LHCGR: variants seen among roughly 807,000 people sequenced by gnomAD.
The protein encoded by LHCGR is lutropin-choriogonadotropic hormone receptor.
A neutral mutation model predicts 60.7 loss-of-function variants in LHCGR; 55 were observed. That is an observed-to-expected ratio of 0.91 (90% CI 0.73 to 1.13). LHCGR has a LOEUF of 1.13. Ranked by LOEUF, LHCGR falls within the 50% of genes most tolerant of loss-of-function variation. LHCGR has a pLI of 0.00. For missense variants in LHCGR, 862 were observed against 836.0 expected, an observed-to-expected ratio of 1.03 and a Z score of -0.38; for synonymous variants, 337 against 316.5, an observed-to-expected ratio of 1.06 and a Z score of -0.69.
At chr2:48,700,045 A>T (rs1667330633) in intron 8 of LHCGR, among the ~76,000 whole-genome samples, 2 of 152,226 alleles carry the variant, frequency 1.3e-5, no homozygotes, top group African/African-American at 2.4e-5. Flanking sequence ...ACATGGAATG[A>T]TGATGGTGTA....
intron 1 of LHCGR, among the ~76,000 whole-genome samples, chr2:48,739,695 G>C (rs1669350670): frequency 6.6e-6 from 1 of 152,034 alleles, no homozygotes; most frequent in Non-Finnish European, 1.5e-5. Context: ...ATAGCATTAG[G>C]AGATATACCT....
In LHCGR at chr2:48,698,868, G is replaced by C. The variant is rs766395137; in HGVS notation, c.681-68C>G. On this transcript the variant is annotated intron_variant, in intron 8 of 10. Coordinates refer to ENST00000294954, the MANE Select transcript of LHCGR (RefSeq NM_000233.4). ...ATACATTTTTTTTTTTTGAGACGGA[G>C]TCTTGCTCCGTCGCCCAGGCTGGAG... The C allele has an allele frequency of 2.3e-6, 3 of 1,320,884 alleles. No homozygotes were observed. The South Asian group carries it at 3.9e-5, about 17-fold the overall frequency. 81.8% of individuals were successfully genotyped at this position (1,320,884 alleles called of 1,614,324 possible).
In LHCGR at chr2:48,714,029, C is replaced by T; in HGVS notation, c.562G>A (p.Glu188Lys). The T allele has an allele frequency of 6.2e-7, 1 of 1,613,046 alleles. No homozygotes were observed. The highest frequency in any genetic ancestry group is 8.5e-7 in the Non-Finnish European group (1 of 1,179,148). The part of the protein sequence containing the change: ...TLKLYGNGFE[E>K]VQSHAFNGTT... ...CCATTGAATGCATGACTTTGTACTT[C>T]TTCAAATCCATTTCCATATAGTTTG... The change falls in exon 7 of 11, where the codon GAA (glutamate) becomes AAA (lysine). Residue 188 changes from glutamate to lysine, a missense_variant. By Grantham distance (56) the Glu-to-Lys change is moderately conservative (BLOSUM62 1). Transcript: ENST00000294954.
At chr2:48,715,422 G>C (rs570323031) in intron 6 of LHCGR, among the ~76,000 whole-genome samples, 1 of 152,054 alleles carries the variant, frequency 6.6e-6, no homozygotes, top group East Asian at 1.9e-4. Flanking sequence ...TAAAACCCAC[G>C]TGAGAAAGGG....
intron 1 of LHCGR, among the ~76,000 whole-genome samples, chr2:48,752,252 C>A (rs923966011): frequency 6.6e-6 from 1 of 152,148 alleles, no homozygotes; most frequent in Admixed American, 6.5e-5. Flanking sequence ...CAGCTATAAT[C>A]CATGTACCTT....
chr2:48,699,275 A>AT (rs1247497996), intron 8 of LHCGR, among the ~76,000 whole-genome samples: 2 of 151,932 alleles, frequency 1.3e-5, no homozygotes, highest in South Asian at 2.1e-4. Flanking sequence ...GCGAGTCTGT[A>AT]TTTTTTCTCA....
In LHCGR at chr2:48,731,342, AG is replaced by A. The variant is rs758676162; in HGVS notation, c.162-45del. 7 of 1,391,490 alleles carry A rather than the reference AG, an allele frequency of 5.0e-6. 1 individual carries two copies. In the Admixed American group the frequency reaches 1.2e-4, roughly 23 times the overall value. The allele number at this position is 1,391,490 out of a possible 1,614,324, so 86.2% of individuals were successfully genotyped here. ...AATCCAAGAGTTTAAGATTTATGAT[AG>A]GGTGCCTTTTAAGTTCATGAATAAA... On this transcript the variant is annotated intron_variant, in intron 1 of 10. Transcript: ENST00000294954.
rs80051034 is a variant in LHCGR at position 48,699,170 on chromosome 2, A to G, written c.681-370T>C. ...GAGAATGAAACCTCCCCTCAACAAT[A>G]TTATCATTATAGGCTCTGAGGAATC... On this transcript the variant is annotated intron_variant, in intron 8 of 10. Coordinates refer to ENST00000294954, the MANE Select transcript of LHCGR (RefSeq NM_000233.4). Among the ~76,000 whole-genome samples, 408 of 152,124 alleles carry G rather than the reference A, an allele frequency of 2.7e-3. 12 individuals are homozygous for G. The East Asian group carries it at 0.057, about 21-fold the overall frequency.
intron 1 of LHCGR, among the ~76,000 whole-genome samples, chr2:48,753,891 G>A (rs1382788104): frequency 6.6e-6 from 1 of 152,002 alleles, no homozygotes; most frequent in East Asian, 1.9e-4. Flanking sequence ...ATAATTAATA[G>A]ATAAAATCCT....
chr2:48,743,158 C>G (rs1669548488), intron 1 of LHCGR, among the ~76,000 whole-genome samples: 1 of 152,174 alleles, frequency 6.6e-6, no homozygotes, highest in Non-Finnish European at 1.5e-5. Context: ...AGCTGAATCT[C>G]TGAATAGACC....
chr2:48,738,204 C>T (rs1415014056), intron 1 of LHCGR, among the ~76,000 whole-genome samples: 1 of 152,158 alleles, frequency 6.6e-6, no homozygotes, highest in Non-Finnish European at 1.5e-5. Context: ...CCTCTATCCT[C>T]CTCTACACTT....
chr2:48,714,330 T>A (rs1180002435), intron 6 of LHCGR, among the ~76,000 whole-genome samples: 1 of 152,170 alleles, frequency 6.6e-6, no homozygotes, highest in African/African-American at 2.4e-5. Context: ...GTAGCTTGCT[T>A]AATGTCAAAG....
At chr2:48,752,415 C>T (rs1023813172) in intron 1 of LHCGR, among the ~76,000 whole-genome samples, 1 of 152,188 alleles carries the variant, frequency 6.6e-6, no homozygotes, top group Non-Finnish European at 1.5e-5. Flanking sequence ...TTGCCTCCTC[C>T]AACCCTGAGA....
chr2:48,703,674 T>G (rs936965047), intron 8 of LHCGR, among the ~76,000 whole-genome samples: 1 of 152,208 alleles, frequency 6.6e-6, no homozygotes, highest in Admixed American at 6.5e-5. Flanking sequence ...TCACTCATGA[T>G]TTGGCTCTCC....
chr2:48,734,103 A>G (rs1669118001), intron 1 of LHCGR, among the ~76,000 whole-genome samples: 1 of 152,158 alleles, frequency 6.6e-6, no homozygotes, highest in Non-Finnish European at 1.5e-5. Context: ...CTTGGAGGCA[A>G]CCTGGGTGTC....
At chr2:48,728,988 G>T (rs1193030474) in intron 3 of LHCGR, among the ~76,000 whole-genome samples, 165 bp downstream of exon 3, 1 of 152,172 alleles carries the variant, frequency 6.6e-6, no homozygotes, top group African/African-American at 2.4e-5. Context: ...GCAACCTACA[G>T]GCCACTGCAG....
At chr2:48,746,126 T>A (rs903799537) in intron 1 of LHCGR, among the ~76,000 whole-genome samples, 1 of 152,208 alleles carries the variant, frequency 6.6e-6, no homozygotes, top group Non-Finnish European at 1.5e-5. Flanking sequence ...GTATTTTTAT[T>A]AATAATTCAC....
chr2:48,716,858 A>G (rs1668271076), intron 6 of LHCGR, among the ~76,000 whole-genome samples: 1 of 152,160 alleles, frequency 6.6e-6, no homozygotes, highest in African/African-American at 2.4e-5. Context: ...TTTCTCCTCC[A>G]TCCACTGAAT....
At chr2:48,712,342 A>G (rs1668033232) in intron 7 of LHCGR, among the ~76,000 whole-genome samples, 1 of 152,104 alleles carries the variant, frequency 6.6e-6, no homozygotes, top group Non-Finnish European at 1.5e-5. Context: ...CTCAAAATAC[A>G]GCATGTTTCT....
Sources: gnomAD v4.1 joint callset for allele counts (sites outside exome capture counted in the v4.1 genomes callset) on GRCh38, gnomAD v4.1.1 for gene constraint, MANE v1.5 for transcripts, NCBI Gene and HGNC (gene_info 2026-07-23, HGNC 2026-07-21) for gene names.